The following SPECC1 variants were observed in gnomAD, a reference collection of about 807,000 sequenced individuals.
The protein encoded by SPECC1 is sperm antigen with calponin homology and coiled-coil domains 1, also known as cytospin-B.
In SPECC1, 62 loss-of-function variants were observed where a neutral mutation model predicts 104.1. The observed-to-expected ratio is 0.60, with a 90% CI of 0.49 to 0.74. SPECC1 has a LOEUF of 0.74. Among genes scored for constraint, SPECC1 ranks in the 30% least tolerant of loss-of-function variants. The pLI is 0.00. For synonymous variants in SPECC1, 513 were observed against 501.6 expected, an observed-to-expected ratio of 1.02 and a Z score of -0.30; for missense variants, 1,306 against 1,310.5, an observed-to-expected ratio of 1.00 and a Z score of 0.05.
At chr17:20,090,584 A>G (rs1197838878) in intron 1 of SPECC1, among the ~76,000 whole-genome samples, 1 of 120,442 alleles carries the variant, frequency 8.3e-6, no homozygotes, top group Non-Finnish European at 1.8e-5. Context: ...ACCATTTTAC[A>G]CTATTCCAAA....
intron 1 of SPECC1, among the ~76,000 whole-genome samples, chr17:20,070,427 C>A (rs971020275): frequency 3.3e-5 from 5 of 152,046 alleles, no homozygotes; most frequent in African/African-American, 1.2e-4. Context: ...TTGATTTTGA[C>A]CAACTTTGAA....
chr17:20,314,483 C>T lies in SPECC1; in HGVS notation c.*418C>T. Reference sequence around the variant, plus strand: ...TATCCCGGCTTTGCCTTTATGAAACCTTTGCCCTTGGCTGGGTGTGGTAGC... The same window carrying T: ...TATCCCGGCTTTGCCTTTATGAAACTTTTGCCCTTGGCTGGGTGTGGTAGC... On this transcript the variant is annotated 3_prime_UTR_variant, in exon 15 of 15. Transcript: ENST00000395527. The T allele has an allele frequency of 3.2e-6, 1 of 308,840 alleles. No homozygotes were observed. The highest frequency in any genetic ancestry group is 6.2e-6 in the Non-Finnish European group (1 of 160,480). The allele number at this position is 308,840 out of a possible 1,614,324, so 19.1% of individuals were successfully genotyped here.
intron 3 of SPECC1, among the ~76,000 whole-genome samples, chr17:20,198,132 A>G (rs940782169): frequency 2.0e-5 from 3 of 152,206 alleles, no homozygotes; most frequent in African/African-American, 7.2e-5. Context: ...TGTTCTGGCC[A>G]GAGCAAAATA....
At chr17:20,254,829 C>G (rs187515373) in intron 10 of SPECC1, among the ~76,000 whole-genome samples, 9 of 152,214 alleles carry the variant, frequency 5.9e-5, no homozygotes, top group Non-Finnish European at 8.8e-5. Context: ...CACAATCAGG[C>G]TTGTTCTTAA....
At chr17:20,063,022 G>A (rs1164088573) in intron 1 of SPECC1, among the ~76,000 whole-genome samples, 2 of 152,056 alleles carry the variant, frequency 1.3e-5, no homozygotes, top group African/African-American at 4.8e-5. Context: ...CAAATATATA[G>A]ATATAGAGTA....
intron 12 of SPECC1, among the ~76,000 whole-genome samples, chr17:20,264,710 G>A (rs1211256398): frequency 1.3e-5 from 2 of 151,892 alleles, no homozygotes; most frequent in African/African-American, 4.8e-5. Flanking sequence ...GACCTCAGGT[G>A]ATCCGCCCAC....
At chr17:20,181,497 A>G (rs1372830695) in intron 3 of SPECC1, among the ~76,000 whole-genome samples, 1 of 152,180 alleles carries the variant, frequency 6.6e-6, no homozygotes, top group East Asian at 1.9e-4. Flanking sequence ...CTCTGGAGGA[A>G]GTGGGCAATT....
intron 3 of SPECC1, among the ~76,000 whole-genome samples, chr17:20,118,797 T>A (rs745397492): frequency 6.6e-5 from 10 of 152,242 alleles, no homozygotes; most frequent in Non-Finnish European, 1.2e-4. Context: ...AACATAAATT[T>A]AGACAATATA....
intron 3 of SPECC1, among the ~76,000 whole-genome samples, chr17:20,146,338 CACT>C (rs1455202700): frequency 6.6e-6 from 1 of 152,204 alleles, no homozygotes; most frequent in African/African-American, 2.4e-5. Context: ...CGGCTTCTTT[CACT>C]TAGCAGTATG....
chr17:20,016,482 G>C (rs937385870), intron 1 of SPECC1, among the ~76,000 whole-genome samples: 1 of 152,128 alleles, frequency 6.6e-6, no homozygotes, highest in South Asian at 2.1e-4. Flanking sequence ...GCGCGGGCGG[G>C]AACCGGGGCT....
intron 7 of SPECC1, chr17:20,238,822 T>C (rs1404227869): frequency 2.9e-6 from 3 of 1,044,922 alleles, no homozygotes; most frequent in Non-Finnish European, 2.3e-6. Context: ...TGACCTGTCG[T>C]TAGGTACTGT....
At chr17:20,195,577 A>G (rs1157974383) in intron 3 of SPECC1, among the ~76,000 whole-genome samples, 1 of 129,358 alleles carries the variant, frequency 7.7e-6, no homozygotes, top group South Asian at 2.4e-4. Flanking sequence ...TTTTTTTTTG[A>G]GACGGAGTCT....
intron 3 of SPECC1, among the ~76,000 whole-genome samples, chr17:20,120,255 G>A (rs1164738687): frequency 6.6e-6 from 1 of 152,004 alleles, no homozygotes; most frequent in Non-Finnish European, 1.5e-5. Context: ...GTGTTGTGGC[G>A]GGTGCCTGTA....
intron 12 of SPECC1, among the ~76,000 whole-genome samples, chr17:20,276,195 C>T (rs541239530): frequency 6.4e-4 from 97 of 152,266 alleles, no homozygotes; most frequent in Non-Finnish European, 1.1e-3. Flanking sequence ...TAGCTCACTG[C>T]AGCCTCCACC....
intron 2 of SPECC1, among the ~76,000 whole-genome samples, chr17:20,109,588 C>T (rs1373084908): frequency 2.0e-5 from 3 of 152,232 alleles, no homozygotes; most frequent in Non-Finnish European, 4.4e-5. Context: ...GCGCTGCTTT[C>T]TTCTGTCTTC....
At chr17:20,127,036 A>G (rs1369420738) in intron 3 of SPECC1, among the ~76,000 whole-genome samples, 1 of 152,116 alleles carries the variant, frequency 6.6e-6, no homozygotes, top group Non-Finnish European at 1.5e-5. Flanking sequence ...ACTTTCATTC[A>G]TGCTCTGATT....
chr17:20,275,275 C>T (rs774479689), intron 12 of SPECC1, among the ~76,000 whole-genome samples: 29 of 152,044 alleles, frequency 1.9e-4, no homozygotes, highest in African/African-American at 2.7e-4. Flanking sequence ...GTGAAATATA[C>T]GATTTTTTAT....
chr17:20,245,871 TC>T, intron 7 of SPECC1, 54 bp from the exon 8 acceptor site: 1 of 1,593,558 alleles, frequency 6.3e-7, no homozygotes, highest in South Asian at 1.1e-5. Flanking sequence ...TGTGTCTTTT[TC>T]TCCCATGGGG....
chr17:20,311,385 T>G (rs112224542), intron 14 of SPECC1, among the ~76,000 whole-genome samples: 240 of 146,770 alleles, frequency 1.6e-3, no homozygotes, highest in Middle Eastern at 3.4e-3. Context: ...TTTTTTTTTG[T>G]TTTTGTTTTT....
Sources: allele counts gnomAD v4.1 joint callset (sites outside exome capture counted in the v4.1 genomes callset), GRCh38; gene constraint gnomAD v4.1.1; transcripts MANE v1.5; gene names NCBI Gene and HGNC (gene_info 2026-07-23, HGNC 2026-07-21).